SYN3: variants seen among roughly 807,000 people sequenced by gnomAD.
SYN3 encodes the protein synapsin III.
SYN3 carries 35 observed loss-of-function variants against 65.8 expected under a neutral mutation model. The observed-to-expected ratio is 0.53, with a 90% CI of 0.41 to 0.70. The LOEUF is 0.70. SYN3 is among the 30% of genes least tolerant of loss of function. SYN3 has a pLI of 0.00. For missense variants in SYN3, 680 were observed against 749.0 expected (o/e 0.91, Z 1.08); for synonymous variants, 270 against 292.9 (o/e 0.92, Z 0.80).
At chr22:32,533,736 C>G in intron 10 of SYN3, 57 bp downstream of exon 10, 4 of 1,248,324 alleles carry the variant, frequency 3.2e-6, no homozygotes, top group Middle Eastern at 1.9e-4. Flanking sequence ...GATTCCCTCC[C>G]CCTGGCACGC....
rs536368775 is a variant in SYN3 at position 32,542,993 on chromosome 22, AG to A, written c.775-1281del. Among the ~76,000 whole-genome samples the A allele has an allele frequency of 1.7e-3, 258 of 152,198 alleles. 1 individual carries two copies. Among genetic ancestry groups the A allele is most frequent in the African/African-American group, 5.6e-3 (232 of 41,546 alleles). On this transcript the variant is annotated intron_variant, in intron 7 of 13. Transcript: ENST00000358763. ...CAGAGGAGTTCTGATGCTGGGTCAG[AG>A]ACGGGCAGAGCCCTGTGGAGTGGCC...
intron 3 of SYN3, among the ~76,000 whole-genome samples, chr22:32,976,392 G>C (rs138519301): frequency 8.5e-5 from 13 of 152,302 alleles, no homozygotes; most frequent in Admixed American, 8.5e-4. Context: ...AGGAAAGACT[G>C]GCCGTGGTGA....
At chr22:33,034,069 C>G (rs1029250059) in intron 1 of SYN3, among the ~76,000 whole-genome samples, 5 of 151,460 alleles carry the variant, frequency 3.3e-5, no homozygotes, top group African/African-American at 1.2e-4. Context: ...ACCTGTAATC[C>G]CAGCTACTCG....
intron 7 of SYN3, among the ~76,000 whole-genome samples, chr22:32,553,958 A>C (rs952858700): frequency 1.3e-5 from 2 of 151,870 alleles, no homozygotes; most frequent in African/African-American, 4.8e-5. Flanking sequence ...AAGGAGAGAC[A>C]TTGCCACCTC....
chr22:32,693,592 G>GTTTTTTTTTTTTTTT lies in SYN3; in HGVS notation c.712-96871_712-96857dup, dbSNP rs1189710191. Among the ~76,000 whole-genome samples, 9 of 90,532 alleles carry GTTTTTTTTTTTTTTT rather than the reference G, an allele frequency of 9.9e-5. 1 individual carries two copies. Among genetic ancestry groups the GTTTTTTTTTTTTTTT allele is most frequent in the East Asian group, 7.7e-4 (2 of 2,592 alleles). 59.4% of individuals were successfully genotyped at this position (90,532 alleles called of 152,430 possible). On this transcript the variant is annotated intron_variant, in intron 6 of 13. Transcript: ENST00000358763. ...ATATAATATTATTTTTCTGTAGCTT[G>GTTTTTTTTTTTTTTT]TTTTTTTTTTTTTTTTTTTTTTTGA...
intron 6 of SYN3, among the ~76,000 whole-genome samples, chr22:32,624,869 C>T (rs1311398986): frequency 6.6e-6 from 1 of 152,210 alleles, no homozygotes; most frequent in East Asian, 1.9e-4. Context: ...GCTAATTGTA[C>T]AAGGAGACTC....
chr22:32,746,102 T>C (rs1322731251), intron 6 of SYN3, among the ~76,000 whole-genome samples: 1 of 152,208 alleles, frequency 6.6e-6, no homozygotes, highest in Non-Finnish European at 1.5e-5. Context: ...TCCTTATCTG[T>C]AAAACAAGTT....
intron 1 of SYN3, chr22:33,015,573 A>C (rs192781339): frequency 6.4e-6 from 1 of 157,320 alleles, no homozygotes; most frequent in Non-Finnish European, 1.4e-5. Context: ...TTGTGTAAAA[A>C]AATCCCTGAG....
At chr22:32,864,194 A>G (rs780833977) in intron 6 of SYN3, among the ~76,000 whole-genome samples, 1 of 152,208 alleles carries the variant, frequency 6.6e-6, no homozygotes, top group Non-Finnish European at 1.5e-5. Context: ...ATTCCCTGCA[A>G]GGCCAAGCGC....
At chr22:32,727,939 T>C (rs1221905740) in intron 6 of SYN3, among the ~76,000 whole-genome samples, 1 of 152,184 alleles carries the variant, frequency 6.6e-6, no homozygotes, top group Non-Finnish European at 1.5e-5. Context: ...GATACCTGTA[T>C]ACCTACAACC....
intron 6 of SYN3, among the ~76,000 whole-genome samples, chr22:32,648,707 A>G (rs1176483162): frequency 6.6e-6 from 1 of 152,214 alleles, no homozygotes; most frequent in Admixed American, 6.5e-5. Context: ...ATGGGAACGT[A>G]CTACCTCTTG....
chr22:32,780,655 T>C (rs551862108), intron 6 of SYN3, among the ~76,000 whole-genome samples: 1 of 152,338 alleles, frequency 6.6e-6, no homozygotes, highest in South Asian at 2.1e-4. Flanking sequence ...GCCTGGGCAC[T>C]GAAATAACAC....
At chr22:32,574,492 A>G (rs79704472) in intron 7 of SYN3, among the ~76,000 whole-genome samples, 5,704 of 152,120 alleles carry the variant, frequency 0.037, 152 homozygotes, top group Middle Eastern at 0.082. Flanking sequence ...AAAAAAAATC[A>G]CCATCGTGTT....
At chr22:32,725,811 G>A (rs1396892446) in intron 6 of SYN3, among the ~76,000 whole-genome samples, 1 of 152,220 alleles carries the variant, frequency 6.6e-6, no homozygotes, top group Non-Finnish European at 1.5e-5. Flanking sequence ...TAAGTGTATG[G>A]TCATTTGTTA....
intron 3 of SYN3, among the ~76,000 whole-genome samples, chr22:32,964,993 CAGATG>C (rs1184835522): frequency 6.6e-6 from 1 of 152,182 alleles, no homozygotes; most frequent in Non-Finnish European, 1.5e-5. Flanking sequence ...CCCCATTCAA[CAGATG>C]AGATAGAAAG....
At chr22:32,807,091 C>T (rs559872264) in intron 6 of SYN3, among the ~76,000 whole-genome samples, 8 of 150,730 alleles carry the variant, frequency 5.3e-5, no homozygotes, top group Non-Finnish European at 8.8e-5. Context: ...CAGCTGGGAC[C>T]CAGTCTCCTG....
intron 6 of SYN3, among the ~76,000 whole-genome samples, chr22:32,851,660 A>G (rs1236301357): frequency 6.6e-6 from 1 of 152,130 alleles, no homozygotes; most frequent in African/African-American, 2.4e-5. Context: ...ACTCAGAGTC[A>G]AGCATTTAAC....
At chr22:32,595,077 T>C (rs192501247) in intron 7 of SYN3, among the ~76,000 whole-genome samples, 41 of 152,268 alleles carry the variant, frequency 2.7e-4, no homozygotes, top group African/African-American at 9.6e-4. Flanking sequence ...AGAGGCAAAC[T>C]GTGGGAGACC....
At chr22:32,534,294 C>A (rs1428655509) in intron 9 of SYN3, among the ~76,000 whole-genome samples, 1 of 152,192 alleles carries the variant, frequency 6.6e-6, no homozygotes, top group East Asian at 1.9e-4. Flanking sequence ...ATCCTGGACA[C>A]CCAGCCACCC....
Sources: gnomAD v4.1 joint callset for allele counts (sites outside exome capture counted in the v4.1 genomes callset) on GRCh38, gnomAD v4.1.1 for gene constraint, MANE v1.5 for transcripts, NCBI Gene and HGNC (gene_info 2026-07-23, HGNC 2026-07-21) for gene names.